EML1: variants seen among roughly 807,000 people sequenced by gnomAD.
The protein encoded by EML1 is EMAP like 1.
A neutral mutation model predicts 110.4 loss-of-function variants in EML1; 27 were observed. The observed-to-expected ratio is 0.24, with a 90% CI of 0.18 to 0.34. EML1 has a LOEUF of 0.34. Among genes scored for constraint, EML1 ranks in the 10% least tolerant of loss-of-function variants. The pLI, the probability that EML1 is intolerant of heterozygous loss-of-function variation, is 1.00. For synonymous variants in EML1, 344 were observed against 385.8 expected (o/e 0.89, Z 1.27); for missense variants, 741 against 1,030.9 (o/e 0.72, Z 3.85).
exon 1 of EML1, chr14:99,773,323 T>A (rs910352343): frequency 2.0e-5 from 3 of 152,190 alleles, no homozygotes; most frequent in African/African-American, 7.2e-5. Context: ...ATACATTTTA[T>A]TTCATGACAA....
chr14:99,865,695 TAG>T (rs773260308), intron 3 of EML1, 49 bp downstream of exon 3: 2 of 1,591,446 alleles, frequency 1.3e-6, no homozygotes, highest in Non-Finnish European at 1.7e-6. Flanking sequence ...AGTTCTCTCT[TAG>T]ATTCCAACAT....
Position 99,761,512 on chromosome 14 carries a change from G to A in EML1, c.28+23652G>A, listed in dbSNP as rs573741571. Among the ~76,000 whole-genome samples, 118 of 152,286 alleles carry A rather than the reference G, an allele frequency of 7.7e-4. 1 individual carries two copies. In the Middle Eastern group the frequency reaches 0.024, roughly 31 times the overall value. ...GAGCAAAGTTGCCCAGGATTGGGGC[G>A]TACATGTGGGAGGCATGCTTACCAA... On this transcript the variant is annotated intron_variant, in intron 1 of 10. Transcript: ENST00000554479.
At chr14:99,859,794 A>G (rs1218426126) in intron 2 of EML1, among the ~76,000 whole-genome samples, 1 of 152,178 alleles carries the variant, frequency 6.6e-6, no homozygotes, top group Non-Finnish European at 1.5e-5. Context: ...TGCCTCTGGT[A>G]CCACTTGACC....
intron 1 of EML1, among the ~76,000 whole-genome samples, chr14:99,761,491 A>G (rs1248408860): frequency 1.3e-5 from 2 of 152,262 alleles, no homozygotes; most frequent in East Asian, 3.9e-4. Context: ...CAAGGAGAGC[A>G]AAGTTGCCCA....
chr14:99,779,667 A>C (rs2057519144), intron 1 of EML1, among the ~76,000 whole-genome samples: 1 of 152,140 alleles, frequency 6.6e-6, no homozygotes, highest in Admixed American at 6.5e-5. Context: ...AGGTCCTTCC[A>C]CACTTTTGCC....
At chr14:99,935,749 C>T (rs1302225516) in intron 17 of EML1, among the ~76,000 whole-genome samples, 1 of 144,846 alleles carries the variant, frequency 6.9e-6, no homozygotes, top group African/African-American at 2.6e-5. Flanking sequence ...CACCACTGCA[C>T]TCCGGCCTGG....
At chr14:99,869,118 G>C (rs77004161) in intron 3 of EML1, among the ~76,000 whole-genome samples, 15,743 of 152,198 alleles carry the variant, frequency 0.1, 1,069 homozygotes, top group Non-Finnish European at 0.15. Context: ...GCAAATACAT[G>C]CATGCCTCAT....
upstream of EML1, among the ~76,000 whole-genome samples, chr14:99,769,458 C>T (rs138189497): frequency 8.5e-5 from 13 of 152,314 alleles, no homozygotes; most frequent in Admixed American, 4.6e-4. Flanking sequence ...GTAACCTTGG[C>T]CTCCCCCACA....
chr14:99,780,113 A>C (rs79410477), intron 1 of EML1, among the ~76,000 whole-genome samples: 7,370 of 152,064 alleles, frequency 0.048, 212 homozygotes, highest in Middle Eastern at 0.054. Flanking sequence ...TAAGAGATAT[A>C]TCTCTCTCTC....
chr14:99,793,039 C>A, upstream of EML1: 1 of 152,068 alleles, frequency 6.6e-6, no homozygotes, highest in South Asian at 2.0e-4. Context: ...CGGCCTTGGT[C>A]TTTGTCCCCG....
intron 17 of EML1, among the ~76,000 whole-genome samples, chr14:99,930,892 A>G (rs970616371): frequency 2.6e-5 from 4 of 152,188 alleles, no homozygotes; most frequent in Non-Finnish European, 5.9e-5. Context: ...CCCAGAAAGG[A>G]CTAGGTGCAA....
At chr14:99,930,923 CTCT>C (rs2140119155) in intron 17 of EML1, among the ~76,000 whole-genome samples, 1 of 152,296 alleles carries the variant, frequency 6.6e-6, no homozygotes, top group South Asian at 2.1e-4. Flanking sequence ...AATTGTGTTT[CTCT>C]TCTTTGATCT....
intron 15 of EML1, chr14:99,915,511 A>G (rs1005810275): frequency 2.6e-5 from 4 of 151,094 alleles, no homozygotes; most frequent in African/African-American, 7.3e-5. Flanking sequence ...CCCCACGTGT[A>G]TTACTTGAGC....
intron 1 of EML1, among the ~76,000 whole-genome samples, chr14:99,739,084 G>GTC (rs1322050204): frequency 7.9e-6 from 1 of 126,666 alleles, no homozygotes; most frequent in African/African-American, 3.6e-5. Context: ...GTGTGTGTGT[G>GTC]TGTGTGTGAG....
chr14:99,882,946 A>C (rs11851478), intron 4 of EML1, among the ~76,000 whole-genome samples: 3,126 of 152,212 alleles, frequency 0.021, 94 homozygotes, highest in African/African-American at 0.069. Context: ...CAGGTCGAGA[A>C]CCACTGGGCT....
chr14:99,743,838 AG>A (rs2057073300), intron 1 of EML1, among the ~76,000 whole-genome samples: 1 of 152,250 alleles, frequency 6.6e-6, no homozygotes, highest in Non-Finnish European at 1.5e-5. Context: ...GTCAATTCTA[AG>A]GGAGCATTCT....
chr14:99,738,456 C>G (rs970479709), intron 1 of EML1, among the ~76,000 whole-genome samples: 4 of 152,242 alleles, frequency 2.6e-5, no homozygotes, highest in Non-Finnish European at 5.9e-5. Flanking sequence ...GTGGTGGGGA[C>G]TGGCCACCTA....
intron 1 of EML1, among the ~76,000 whole-genome samples, chr14:99,748,185 C>T (rs1187020143): frequency 1.3e-5 from 2 of 152,112 alleles, no homozygotes; most frequent in African/African-American, 2.4e-5. Context: ...GGGATGGCAT[C>T]GCTGCTCTGG....
chr14:99,836,681 T>C (rs545219695), intron 1 of EML1, among the ~76,000 whole-genome samples: 3 of 152,386 alleles, frequency 2.0e-5, no homozygotes, highest in African/African-American at 7.2e-5. Context: ...TGTGCATCTT[T>C]GAATGTCCAG....
Sources: allele counts gnomAD v4.1 joint callset (sites outside exome capture counted in the v4.1 genomes callset), GRCh38; gene constraint gnomAD v4.1.1; transcripts MANE v1.5; gene names NCBI Gene and HGNC (gene_info 2026-07-23, HGNC 2026-07-21).